Variants in PCSK5 observed in about 807,000 individuals in gnomAD.
The protein encoded by PCSK5 is proprotein convertase subtilisin/kexin type 5.
In PCSK5, 129 loss-of-function variants were observed where a neutral mutation model predicts 233.2. That is an observed-to-expected ratio of 0.55 (90% CI 0.48 to 0.64). The LOEUF is 0.64. Among genes scored for constraint, PCSK5 ranks in the 30% least tolerant of loss-of-function variants. PCSK5 has a pLI of 0.00. For synonymous variants in PCSK5, 825 were observed against 879.2 expected, an observed-to-expected ratio of 0.94 and a Z score of 1.09; for missense variants, 2,076 against 2,430.1, an observed-to-expected ratio of 0.85 and a Z score of 3.06.
At chr9:76,174,563 G>C (rs900131469) in intron 13 of PCSK5, among the ~76,000 whole-genome samples, 3 of 152,038 alleles carry the variant, frequency 2.0e-5, no homozygotes. Flanking sequence ...ACCAGTCTCA[G>C]CCTCCCAAGG....
At chr9:76,319,615 A>C (rs975138713) in intron 30 of PCSK5, among the ~76,000 whole-genome samples, 4 of 152,028 alleles carry the variant, frequency 2.6e-5, no homozygotes, top group Admixed American at 2.0e-4. Flanking sequence ...GGCACCCGTT[A>C]CTTAGCAGAC....
intron 24 of PCSK5, among the ~76,000 whole-genome samples, chr9:76,243,695 C>A (rs1433307947): frequency 6.6e-6 from 1 of 152,134 alleles, no homozygotes; most frequent in Non-Finnish European, 1.5e-5. Context: ...TGCCTGGACA[C>A]TAAACTACCT....
At chr9:76,313,033 A>T (rs925551659) in intron 30 of PCSK5, among the ~76,000 whole-genome samples, 1 of 152,202 alleles carries the variant, frequency 6.6e-6, no homozygotes, top group Non-Finnish European at 1.5e-5. Context: ...ACGTCCAGGT[A>T]TTGTGCTAAG....
Position 76,358,610 on chromosome 9 carries a change from C to G in PCSK5, c.5352C>G (p.Leu1784=). The G allele has an allele frequency of 6.2e-7, 1 of 1,612,754 alleles. No individual in the cohort carries two copies. Among genetic ancestry groups the G allele is most frequent in the South Asian group, 1.1e-5 (1 of 91,078 alleles). ...ITSSMMLVLL[L]GAAVVVWKKS... ...CCTCCATGATGCTGGTGCTTCTGCT[C>G]GGGGCAGCTGTGGTAGTGTGGAAGA... Residue 1784 remains leucine, a synonymous_variant, in exon 38 of 38, where the codon CTC becomes CTG. Transcript: ENST00000674117.
chr9:76,246,022 G>T (rs200878926), intron 24 of PCSK5, among the ~76,000 whole-genome samples: 58,186 of 151,942 alleles, frequency 0.38, 11,360 homozygotes, highest in Non-Finnish European at 0.41. Context: ...CTTGTTCACT[G>T]TATGGGAAAT....
intron 1 of PCSK5, among the ~76,000 whole-genome samples, chr9:75,912,448 A>G (rs991263047): frequency 2.0e-5 from 3 of 152,190 alleles, no homozygotes; most frequent in African/African-American, 4.8e-5. Flanking sequence ...TCACACTTTC[A>G]TGTGCACCTG....
chr9:76,107,627 TG>T (rs1184850358), intron 9 of PCSK5, among the ~76,000 whole-genome samples: 1 of 152,206 alleles, frequency 6.6e-6, no homozygotes, highest in Non-Finnish European at 1.5e-5. Context: ...CCAACTCTCT[TG>T]CCTTGTTGAG....
At chr9:76,003,212 A>G (rs944241929) in intron 3 of PCSK5, among the ~76,000 whole-genome samples, 1 of 152,162 alleles carries the variant, frequency 6.6e-6, no homozygotes, top group African/African-American at 2.4e-5. Flanking sequence ...TTCAATCGTA[A>G]AGGCAGCTCT....
At chr9:75,951,239 C>T (rs558132675) in intron 2 of PCSK5, among the ~76,000 whole-genome samples, 4 of 152,300 alleles carry the variant, frequency 2.6e-5, no homozygotes, top group Non-Finnish European at 2.9e-5. Context: ...TTTCCAGTTT[C>T]GTGACTGCAC....
Position 76,275,134 on chromosome 9 carries a change from T to C in PCSK5, c.3143-17099T>C, listed in dbSNP as rs117809700. 3.6e-3 allele frequency among the ~76,000 whole-genome samples: 546 copies of C among 152,318 alleles called. 3 individuals carry two copies. The highest frequency in any genetic ancestry group is 6.8e-3 in the Middle Eastern group (2 of 294). ...TATCCTTTTTTTAAAAATATTGTTT[T>C]TATACCTATTTGAATGGGAGGAGAT... is the stretch of plus-strand genomic sequence containing the variant. On this transcript the variant is annotated intron_variant, in intron 24 of 37. Coordinates refer to ENST00000674117, the MANE Select transcript of PCSK5 (RefSeq NM_001372043.1).
intron 20 of PCSK5, chr9:76,193,295 G>T: frequency 6.2e-7 from 1 of 1,613,032 alleles, no homozygotes; most frequent in Non-Finnish European, 8.5e-7. Context: ...AGAACAATCT[G>T]TGCCAACGGA....
At chr9:76,204,787 G>A (rs555499946) in intron 20 of PCSK5, among the ~76,000 whole-genome samples, 9 of 152,166 alleles carry the variant, frequency 5.9e-5, no homozygotes, top group Non-Finnish European at 1.3e-4. Context: ...TAAAAATACC[G>A]TGGCACAGTT....
At chr9:76,312,649 C>T (rs997029203) in intron 30 of PCSK5, among the ~76,000 whole-genome samples, 5 of 151,952 alleles carry the variant, frequency 3.3e-5, no homozygotes, top group Middle Eastern at 3.2e-3. Flanking sequence ...GGTATTTACC[C>T]TCAAAAAGCA....
chr9:76,346,476 CT>C (rs1328640965), intron 35 of PCSK5, among the ~76,000 whole-genome samples: 4 of 152,180 alleles, frequency 2.6e-5, no homozygotes, highest in African/African-American at 4.8e-5. Context: ...GTTTGTACTT[CT>C]TCCTCCTGTA....
At chr9:76,149,040 C>T (rs1823562359) in intron 10 of PCSK5, among the ~76,000 whole-genome samples, 1 of 152,154 alleles carries the variant, frequency 6.6e-6, no homozygotes, top group South Asian at 2.1e-4. Flanking sequence ...AGTCTTATTT[C>T]TTCTAAAAGA....
intron 35 of PCSK5, among the ~76,000 whole-genome samples, chr9:76,339,168 A>G: frequency 1.3e-5 from 2 of 151,754 alleles, no homozygotes; most frequent in Middle Eastern, 3.4e-3. Context: ...CAAATTTCTC[A>G]TTTTTCTCTA....
chr9:75,932,307 AG>A, intron 1 of PCSK5, 71 bp from the exon 2 acceptor site: 2 of 913,948 alleles, frequency 2.2e-6, no homozygotes, highest in South Asian at 3.0e-5. Flanking sequence ...AATGAAAAAC[AG>A]GAAAACAGAA....
At chr9:76,325,487 G>C (rs1276834593) in intron 32 of PCSK5, among the ~76,000 whole-genome samples, 1 of 152,132 alleles carries the variant, frequency 6.6e-6, no homozygotes, top group African/African-American at 2.4e-5. Context: ...TGCTTAGTGT[G>C]GGTTGAGAGC....
intron 5 of PCSK5, among the ~76,000 whole-genome samples, chr9:76,047,100 CT>C (rs61399433): frequency 0.052 from 7,393 of 142,970 alleles, 356 homozygotes; most frequent in African/African-American, 0.13. Context: ...TCAAGGAAAT[CT>C]TTTTTTTTTT....
Sources: gnomAD v4.1 joint callset for allele counts (sites outside exome capture counted in the v4.1 genomes callset) on GRCh38, gnomAD v4.1.1 for gene constraint, MANE v1.5 for transcripts, NCBI Gene and HGNC (gene_info 2026-07-23, HGNC 2026-07-21) for gene names.